Variants in RARB observed in about 807,000 individuals in gnomAD.
RARB encodes retinoic acid receptor beta.
Under a neutral mutation model 51.9 loss-of-function variants are expected in RARB, and 17 were observed. The observed-to-expected ratio is 0.33, with a 90% confidence interval of 0.22 to 0.49. RARB has a LOEUF of 0.49. RARB is among the 20% of genes least tolerant of loss of function. RARB has a pLI of 0.99. For missense variants in RARB, 369 were observed against 550.8 expected, an observed-to-expected ratio of 0.67 and a Z score of 3.30; for synonymous variants, 215 against 195.4, an observed-to-expected ratio of 1.10 and a Z score of -0.84.
chr3:24,912,084 T>C (rs1695000468), intron 2 of RARB, among the ~76,000 whole-genome samples: 1 of 152,196 alleles, frequency 6.6e-6, no homozygotes, highest in East Asian at 1.9e-4. Context: ...AAACAAATAT[T>C]GCTTGAGTGC....
chr3:25,244,642 T>G (rs1381419477), intron 5 of RARB, among the ~76,000 whole-genome samples: 3 of 152,362 alleles, frequency 2.0e-5, no homozygotes, highest in African/African-American at 7.2e-5. Context: ...TTCTTAATCC[T>G]GAGTTCTAAT....
chr3:25,493,243 G>C (rs1233796463), intron 2 of RARB, among the ~76,000 whole-genome samples: 1 of 152,016 alleles, frequency 6.6e-6, no homozygotes, highest in African/African-American at 2.4e-5. Context: ...TCTTTCAGTG[G>C]GGTGAAAAGG....
chr3:25,477,625 A>T (rs1410634324), intron 2 of RARB, among the ~76,000 whole-genome samples: 4 of 152,212 alleles, frequency 2.6e-5, no homozygotes, highest in African/African-American at 9.6e-5. Flanking sequence ...CAGCTCTATT[A>T]TGTAAGTAAG....
chr3:25,085,797 A>C (rs775714611), intron 3 of RARB, among the ~76,000 whole-genome samples: 1 of 152,150 alleles, frequency 6.6e-6, no homozygotes, highest in Non-Finnish European at 1.5e-5. Context: ...TGACTAATCT[A>C]TTGAAATAAT....
In RARB at chr3:24,992,047, C is replaced by T. The variant is rs147367195; in HGVS notation, c.-379-68078C>T. ...TCTCCTTATACCAGGGCACTCCCCACGTGGGCCCTTGCAACTCCAGCAGGG... is the reference window on the plus strand; with the variant it reads ...TCTCCTTATACCAGGGCACTCCCCATGTGGGCCCTTGCAACTCCAGCAGGG... On this transcript the variant is annotated intron_variant, in intron 2 of 11. Coordinates refer to the RARB transcript ENST00000383772. 2.7e-3 allele frequency among the ~76,000 whole-genome samples: 418 copies of T among 152,248 alleles called. 4 individuals carry two copies. Among genetic ancestry groups the T allele is most frequent in the African/African-American group, 9.7e-3 (401 of 41,548 alleles).
At chr3:24,951,099 A>C (rs796538728) in intron 2 of RARB, among the ~76,000 whole-genome samples, 6 of 152,316 alleles carry the variant, frequency 3.9e-5, no homozygotes, top group African/African-American at 9.6e-5. Flanking sequence ...GTACTTTTTC[A>C]GTGAATTTTA....
chr3:25,499,979 A>G (rs979046587), intron 2 of RARB, among the ~76,000 whole-genome samples: 2 of 152,266 alleles, frequency 1.3e-5, no homozygotes, highest in African/African-American at 2.4e-5. Context: ...GGTCCAATCA[A>G]TAGTAAAAAG....
chr3:25,149,713 C>G (rs918457111), intron 4 of RARB, among the ~76,000 whole-genome samples: 6 of 152,210 alleles, frequency 3.9e-5, no homozygotes, highest in African/African-American at 1.4e-4. Context: ...ATAACGTACC[C>G]TGTCTCTCTC....
chr3:25,453,364 C>T (rs947187813), intron 1 of RARB, among the ~76,000 whole-genome samples: 1 of 151,452 alleles, frequency 6.6e-6, no homozygotes, highest in African/African-American at 2.4e-5. Flanking sequence ...TCTCCTGCCT[C>T]AGCCTCCCGA....
intron 3 of RARB, among the ~76,000 whole-genome samples, chr3:25,099,324 T>C (rs1180502182): frequency 6.6e-6 from 1 of 152,156 alleles, no homozygotes; most frequent in Non-Finnish European, 1.5e-5. Context: ...TGAGGACATT[T>C]ATAGGATTTT....
chr3:25,204,861 AC>A (rs1409383163), intron 5 of RARB, among the ~76,000 whole-genome samples: 1 of 152,072 alleles, frequency 6.6e-6, no homozygotes, highest in African/African-American at 2.4e-5. Context: ...CAGTTAGGCT[AC>A]TCGGGGGTCA....
At chr3:25,290,437 G>A (rs1703758840) in intron 5 of RARB, among the ~76,000 whole-genome samples, 1 of 152,108 alleles carries the variant, frequency 6.6e-6, no homozygotes, top group Non-Finnish European at 1.5e-5. Flanking sequence ...CCAGAACCAT[G>A]AGAAAATGGA....
intron 5 of RARB, among the ~76,000 whole-genome samples, chr3:25,198,431 A>G (rs1346644816): frequency 6.6e-6 from 1 of 152,176 alleles, no homozygotes; most frequent in African/African-American, 2.4e-5. Context: ...ATAGGATCAC[A>G]TCAAGTTAAA....
At chr3:25,519,550 A>G (rs1467232335) in intron 3 of RARB, among the ~76,000 whole-genome samples, 1 of 152,178 alleles carries the variant, frequency 6.6e-6, no homozygotes, top group Non-Finnish European at 1.5e-5. Flanking sequence ...TTAATAAAAA[A>G]TTTATTAAGT....
chr3:25,078,132 G>GT (rs1698913504), intron 3 of RARB, among the ~76,000 whole-genome samples: 1 of 152,042 alleles, frequency 6.6e-6, no homozygotes, highest in African/African-American at 2.4e-5. Flanking sequence ...AGAAATAGAA[G>GT]TTTTTTAATT....
chr3:25,135,494 C>T (rs1473015350), intron 4 of RARB, among the ~76,000 whole-genome samples: 4 of 151,852 alleles, frequency 2.6e-5, no homozygotes, highest in Middle Eastern at 3.2e-3. Context: ...GGCAAATAGA[C>T]CACGATTATG....
chr3:25,175,916 A>C (rs1700735229), intron 5 of RARB, among the ~76,000 whole-genome samples: 2 of 152,232 alleles, frequency 1.3e-5, no homozygotes, highest in Non-Finnish European at 2.9e-5. Context: ...ACCAGTACTC[A>C]AAATATCTTG....
intron 2 of RARB, among the ~76,000 whole-genome samples, chr3:24,980,178 C>G (rs890269520): frequency 6.6e-6 from 1 of 152,154 alleles, no homozygotes; most frequent in African/African-American, 2.4e-5. Context: ...GTAACCTGAC[C>G]TTTCTCTCTG....
intron 2 of RARB, among the ~76,000 whole-genome samples, chr3:25,018,059 A>G (rs1697553778): frequency 6.6e-6 from 1 of 152,180 alleles, no homozygotes; most frequent in South Asian, 2.1e-4. Context: ...TAAATTTGTT[A>G]TTTATAATCA....
Sources: gnomAD v4.1 joint callset for allele counts (sites outside exome capture counted in the v4.1 genomes callset) on GRCh38, gnomAD v4.1.1 for gene constraint, MANE v1.5 for transcripts, NCBI Gene and HGNC (gene_info 2026-07-23, HGNC 2026-07-21) for gene names.